The following RBFOX2 variants were observed in gnomAD, a reference collection of about 807,000 sequenced individuals.
RBFOX2 encodes RNA binding protein fox-1 homolog 2.
A neutral mutation model predicts 49.1 loss-of-function variants in RBFOX2; 10 were observed. The ratio of observed to expected loss-of-function variants is 0.20; its 90% CI spans 0.13 to 0.35. RBFOX2 has a LOEUF of 0.35. Ranked by LOEUF, RBFOX2 falls within the 10% of genes least tolerant of loss-of-function variation. The pLI is 1.00. For synonymous variants in RBFOX2, 183 were observed against 187.4 expected, an observed-to-expected ratio of 0.98 and a Z score of 0.19; for missense variants, 323 against 486.9, an observed-to-expected ratio of 0.66 and a Z score of 3.17.
At chr22:35,842,058 T>C (rs2040570060), upstream of RBFOX2, among the ~76,000 whole-genome samples, 1 of 152,128 alleles carries the variant, frequency 6.6e-6, no homozygotes, top group African/African-American at 2.4e-5. Flanking sequence ...AATTTTAAAA[T>C]TAAAAAAATG....
At chr22:35,848,083 C>T (rs2041448006) in intron 1 of RBFOX2, among the ~76,000 whole-genome samples, 1 of 152,080 alleles carries the variant, frequency 6.6e-6, no homozygotes, top group Non-Finnish European at 1.5e-5. Context: ...ACTTTTTCAA[C>T]TTTTTCCTCA....
intron 1 of RBFOX2, among the ~76,000 whole-genome samples, chr22:35,985,365 G>A (rs1016721595): frequency 2.6e-5 from 4 of 152,082 alleles, no homozygotes; most frequent in South Asian, 4.2e-4. Context: ...GGATTAGACC[G>A]GGATTGTAAC....
chr22:35,816,624 T>G (rs559909103), intron 1 of RBFOX2, among the ~76,000 whole-genome samples: 1 of 152,338 alleles, frequency 6.6e-6, no homozygotes, highest in African/African-American at 2.4e-5. Context: ...CAGGTTGAAT[T>G]CTAAGAGTTC....
chr22:35,746,553 A>G (rs755118828), exon 10 of RBFOX2: 1 of 1,596,836 alleles, frequency 6.3e-7, no homozygotes, highest in Non-Finnish European at 8.5e-7. Context: ...TGTAGGCTGC[A>G]TATCCACCCT....
intron 1 of RBFOX2, among the ~76,000 whole-genome samples, chr22:35,819,983 C>T (rs1202790311): frequency 6.6e-6 from 1 of 152,090 alleles, no homozygotes; most frequent in Non-Finnish European, 1.5e-5. Context: ...TGCAAAGTCC[C>T]ACAGGCAAAA....
intron 1 of RBFOX2, among the ~76,000 whole-genome samples, chr22:35,847,392 A>AGAACAG (rs1384075430): frequency 6.6e-6 from 1 of 152,208 alleles, no homozygotes; most frequent in East Asian, 1.9e-4. Context: ...ATTAAAAGAA[A>AGAACAG]TACTGTTCAA....
At chr22:35,793,438 G>A (rs1399811094) in intron 2 of RBFOX2, among the ~76,000 whole-genome samples, 1 of 152,170 alleles carries the variant, frequency 6.6e-6, no homozygotes, top group Non-Finnish European at 1.5e-5. Context: ...AAAACTTGGT[G>A]GAATTAGATC....
At chr22:35,859,619 T>A (rs2042902024) in intron 1 of RBFOX2, among the ~76,000 whole-genome samples, 1 of 152,250 alleles carries the variant, frequency 6.6e-6, no homozygotes, top group Non-Finnish European at 1.5e-5. Context: ...GATATGCATT[T>A]CTGTTTTGGA....
At chr22:36,028,516 G>C (rs1029634575) in exon 1 of RBFOX2, 5 of 1,009,614 alleles carry the variant, frequency 5.0e-6, no homozygotes, top group Non-Finnish European at 5.9e-6. Flanking sequence ...CGACAGGCGG[G>C]CGCGCGCCTG....
exon 12 of RBFOX2, chr22:35,744,187 C>T (rs1931335944): frequency 6.2e-7 from 1 of 1,605,288 alleles, no homozygotes; most frequent in Non-Finnish European, 8.5e-7. Context: ...GTCCCATTTG[C>T]AGGGGTCTCA....
At chr22:35,898,419 CTTTTTTTTTTTT>C (rs749708583) in intron 1 of RBFOX2, 2 of 278,032 alleles carry the variant, frequency 7.2e-6, no homozygotes, top group Non-Finnish European at 1.3e-5. Context: ...TCCCACAATC[CTTTTTTTTTTTT>C]TTTTTTTTTT....
rs780064504 is a variant in RBFOX2, at chr22:35,768,249, A to T, written c.546+8T>A. ...TAAACCAGAAATTGAATTATTAAAG[A>T]CATGCACCTCGATTTTACGGCCCTC... On this transcript the variant is annotated splice_region_variant and intron_variant, in intron 5 of 11. Coordinates refer to ENST00000405409, the Ensembl canonical transcript of RBFOX2. 2.5e-6 allele frequency: 4 copies of T among 1,611,674 alleles called. No individual in the cohort carries two copies. Among genetic ancestry groups the T allele is most frequent in the Non-Finnish European group, 3.4e-6 (4 of 1,178,092 alleles).
At chr22:35,976,637 T>C (rs778700086) in intron 1 of RBFOX2, among the ~76,000 whole-genome samples, 1 of 152,020 alleles carries the variant, frequency 6.6e-6, no homozygotes, top group South Asian at 2.1e-4. Flanking sequence ...TTGCTACATA[T>C]ATAAAGAATT....
intron 1 of RBFOX2, among the ~76,000 whole-genome samples, chr22:35,921,105 C>G (rs913803192): frequency 6.6e-6 from 1 of 152,184 alleles, no homozygotes. Flanking sequence ...TAGTATGGCT[C>G]AGGAGTCAGA....
rs34495987 is a variant in RBFOX2 at position 36,010,732 on chromosome 22, TACACACACAC to T, written c.186+17498_186+17507del. ...GAATCAGAATCCAATTACTGTTCAG[TACACACACAC>T]ACACACACACACACACACACACACA... On this transcript the variant is annotated intron_variant, in intron 1 of 13. Coordinates refer to the RBFOX2 transcript ENST00000438146. 3.4e-3 allele frequency among the ~76,000 whole-genome samples: 464 copies of T among 137,056 alleles called. 2 individuals are homozygous for T. Among genetic ancestry groups the T allele is most frequent in the South Asian group, 0.016 (63 of 3,850 alleles). The allele number at this position is 137,056 out of a possible 152,430, so 89.9% of individuals were successfully genotyped here.
chr22:35,865,609 A>G (rs2043588209), intron 1 of RBFOX2, among the ~76,000 whole-genome samples: 1 of 152,120 alleles, frequency 6.6e-6, no homozygotes, highest in South Asian at 2.1e-4. Flanking sequence ...ACTTTGATAG[A>G]AGAGGGATTC....
chr22:35,770,425 C>T (rs1464434508), intron 4 of RBFOX2, among the ~76,000 whole-genome samples: 1 of 152,066 alleles, frequency 6.6e-6, no homozygotes, highest in African/African-American at 2.4e-5. Context: ...TCTACACACC[C>T]ACATACAAAT....
chr22:35,982,731 T>C (rs2057522252), intron 1 of RBFOX2, among the ~76,000 whole-genome samples: 1 of 151,956 alleles, frequency 6.6e-6, no homozygotes, highest in Admixed American at 6.6e-5. Flanking sequence ...CATTCTTTAA[T>C]AGTCTCTGAT....
intron 1 of RBFOX2, among the ~76,000 whole-genome samples, chr22:36,011,445 CAGT>C (rs1484267048): frequency 6.6e-6 from 1 of 152,062 alleles, no homozygotes; most frequent in Non-Finnish European, 1.5e-5. Flanking sequence ...ATGGTTCTCT[CAGT>C]AGACCAGAAT....
Sources: gnomAD v4.1 joint callset for allele counts (sites outside exome capture counted in the v4.1 genomes callset) on GRCh38, gnomAD v4.1.1 for gene constraint, MANE v1.5 for transcripts, NCBI Gene and HGNC (gene_info 2026-07-23, HGNC 2026-07-21) for gene names.